The following STK32B variants were observed in gnomAD, a reference collection of about 807,000 sequenced individuals.
STK32B encodes serine/threonine-protein kinase 32B.
STK32B carries 43 observed loss-of-function variants against 52.6 expected under a neutral mutation model. That is an observed-to-expected ratio of 0.82 (90% CI 0.64 to 1.05). The LOEUF is 1.05. Ranked by LOEUF, STK32B falls within the 50% of genes least tolerant of loss-of-function variation. The pLI, the probability that STK32B is intolerant of heterozygous loss-of-function variation, is 0.00. For missense variants in STK32B, 621 were observed against 534.6 expected, an observed-to-expected ratio of 1.16 and a Z score of -1.59; for synonymous variants, 238 against 204.3, an observed-to-expected ratio of 1.17 and a Z score of -1.41.
At chr4:5,127,582 T>C (rs750518) in intron 1 of STK32B, among the ~76,000 whole-genome samples, 139,985 of 152,182 alleles carry the variant, frequency 0.92, 65,535 homozygotes, top group East Asian at 1. Context: ...TCTTTGTATA[T>C]GTAAGTAGTT....
At chr4:5,271,443 C>G (rs1021301929) in intron 3 of STK32B, among the ~76,000 whole-genome samples, 2 of 151,860 alleles carry the variant, frequency 1.3e-5, no homozygotes, top group Non-Finnish European at 2.9e-5. Flanking sequence ...AGTGTGATGC[C>G]TCCAGCTTTG....
At chr4:5,042,968 C>G in the STK32B span, among the ~76,000 whole-genome samples, 1 of 151,460 alleles carries the variant, frequency 6.6e-6, no homozygotes, top group Non-Finnish European at 1.5e-5. Context: ...TAGCCGGGCG[C>G]GGTGGCGGGC....
chr4:5,334,366 G>A (rs2108959242), intron 4 of STK32B, among the ~76,000 whole-genome samples: 1 of 152,194 alleles, frequency 6.6e-6, no homozygotes, highest in East Asian at 1.9e-4. Context: ...ATCAGCTTAA[G>A]GAGATTTTGG....
At chr4:5,291,658 T>A (rs1394278033) in intron 3 of STK32B, among the ~76,000 whole-genome samples, 2 of 152,112 alleles carry the variant, frequency 1.3e-5, no homozygotes, top group Admixed American at 1.3e-4. Flanking sequence ...TTTCCTATTT[T>A]CCCTGACTAT....
At chr4:5,109,912 G>C (rs1276730607) in intron 1 of STK32B, among the ~76,000 whole-genome samples, 1 of 151,976 alleles carries the variant, frequency 6.6e-6, no homozygotes, top group South Asian at 2.1e-4. Flanking sequence ...AGCAACTTCA[G>C]TAAAGTCTCA....
intron 1 of STK32B, among the ~76,000 whole-genome samples, chr4:5,082,976 T>C (rs930466433): frequency 2.0e-5 from 3 of 152,240 alleles, no homozygotes; most frequent in African/African-American, 7.2e-5. Flanking sequence ...AATGTTTTGG[T>C]GATTTCAAAA....
intron 1 of STK32B, among the ~76,000 whole-genome samples, chr4:5,088,731 T>A (rs1267158753): frequency 6.6e-6 from 1 of 151,884 alleles, no homozygotes; most frequent in Admixed American, 6.6e-5. Flanking sequence ...CATAAACACA[T>A]ACACCTACTA....
chr4:5,205,567 C>A (rs73081604), intron 3 of STK32B, among the ~76,000 whole-genome samples: 8,076 of 152,218 alleles, frequency 0.053, 493 homozygotes, highest in African/African-American at 0.15. Context: ...TCTCCCCAGG[C>A]TCTGGCTGTG....
At chr4:5,125,529 G>C (rs1203060901) in intron 1 of STK32B, among the ~76,000 whole-genome samples, 1 of 152,142 alleles carries the variant, frequency 6.6e-6, no homozygotes, top group Non-Finnish European at 1.5e-5. Flanking sequence ...TGGTGGACCA[G>C]AGCAGCCTTA....
chr4:5,125,404 A>G (rs961341248), intron 1 of STK32B, among the ~76,000 whole-genome samples: 7 of 152,230 alleles, frequency 4.6e-5, no homozygotes, highest in East Asian at 3.9e-4. Flanking sequence ...GTAGAAATTA[A>G]TGCAATAGGT....
intron 3 of STK32B, among the ~76,000 whole-genome samples, chr4:5,179,458 A>G (rs532698201): frequency 5.3e-5 from 8 of 152,316 alleles, no homozygotes; most frequent in African/African-American, 1.4e-4. Context: ...ACATGCCTAT[A>G]TGTATGATGC....
At chr4:5,319,854 G>A (rs922260742) in intron 3 of STK32B, among the ~76,000 whole-genome samples, 11 of 152,256 alleles carry the variant, frequency 7.2e-5, no homozygotes, top group Admixed American at 6.5e-4. Context: ...ACCTGCAGAG[G>A]ATGTGGCTGC....
intron 5 of STK32B, among the ~76,000 whole-genome samples, chr4:5,407,505 T>A (rs1647800365): frequency 6.6e-6 from 1 of 152,126 alleles, no homozygotes; most frequent in African/African-American, 2.4e-5. Context: ...TACCTGAGAC[T>A]AGGTAATTTA....
chr4:5,236,488 T>C (rs1311190434), intron 3 of STK32B, among the ~76,000 whole-genome samples: 2 of 152,228 alleles, frequency 1.3e-5, no homozygotes, highest in Non-Finnish European at 2.9e-5. Flanking sequence ...AAACCCAGGC[T>C]GTATTGCCCA....
chr4:5,282,778 T>A (rs1728293512), intron 3 of STK32B, among the ~76,000 whole-genome samples: 1 of 152,076 alleles, frequency 6.6e-6, no homozygotes, highest in Admixed American at 6.6e-5. Context: ...AAGGGGATAA[T>A]TGATGTCCTA....
chr4:5,130,171 C>CGGG (rs1491205357), intron 1 of STK32B, among the ~76,000 whole-genome samples: 19 of 149,738 alleles, frequency 1.3e-4, no homozygotes, highest in African/African-American at 4.5e-4. Context: ...CCTTCTCCGG[C>CGGG]GGGGGGAGGC....
intron 3 of STK32B, among the ~76,000 whole-genome samples, chr4:5,170,891 C>T (rs373308877): frequency 2.6e-5 from 4 of 152,148 alleles, no homozygotes; most frequent in East Asian, 3.9e-4. Context: ...CCACATTGAC[C>T]TCCACAATGG....
chr4:5,079,863 A>G (rs1313648274), intron 1 of STK32B, among the ~76,000 whole-genome samples: 1 of 152,208 alleles, frequency 6.6e-6, no homozygotes, highest in South Asian at 2.1e-4. Flanking sequence ...AGCCAGACAC[A>G]GAAAGACAAA....
At chr4:5,266,429 A>T (rs1232942504) in intron 3 of STK32B, among the ~76,000 whole-genome samples, 1 of 152,206 alleles carries the variant, frequency 6.6e-6, no homozygotes, top group East Asian at 1.9e-4. Flanking sequence ...CAAAAACAGT[A>T]TACAAAGATC....
Sources: gnomAD v4.1 joint callset for allele counts (sites outside exome capture counted in the v4.1 genomes callset) on GRCh38, gnomAD v4.1.1 for gene constraint, MANE v1.5 for transcripts, NCBI Gene and HGNC (gene_info 2026-07-23, HGNC 2026-07-21) for gene names.